The following PRKCA variants were observed in gnomAD, a reference collection of about 807,000 sequenced individuals.
PRKCA encodes the protein protein kinase C alpha.
In PRKCA, 27 loss-of-function variants were observed where a neutral mutation model predicts 87.0. The ratio of observed to expected loss-of-function variants is 0.31; its 90% CI spans 0.23 to 0.43. PRKCA has a LOEUF of 0.43. Among genes scored for constraint, PRKCA ranks in the 20% least tolerant of loss-of-function variants. The probability of loss-of-function intolerance (pLI) is 1.00; values close to 1 mark genes in which losing one functional copy is unlikely to be tolerated. For missense variants in PRKCA, 518 were observed against 852.3 expected (o/e 0.61, Z 4.88); for synonymous variants, 329 against 311.1 (o/e 1.06, Z -0.61).
At chr17:66,526,450 G>A (rs951336010) in intron 3 of PRKCA, among the ~76,000 whole-genome samples, 4 of 152,042 alleles carry the variant, frequency 2.6e-5, no homozygotes, top group Admixed American at 2.0e-4. Flanking sequence ...TAGGCATCTC[G>A]GCCTCTCATT....
intron 3 of PRKCA, among the ~76,000 whole-genome samples, chr17:66,630,916 T>C (rs1458657452): frequency 2.0e-5 from 3 of 152,190 alleles, no homozygotes; most frequent in African/African-American, 7.2e-5. Flanking sequence ...TTAAAATATT[T>C]GCTGTCCCCT....
chr17:66,419,845 G>A (rs1912383895), intron 2 of PRKCA, among the ~76,000 whole-genome samples: 1 of 152,006 alleles, frequency 6.6e-6, no homozygotes, highest in South Asian at 2.1e-4. Context: ...GGGCATGATT[G>A]GGAAAGTCTC....
At chr17:66,517,975 T>C (rs557525861) in intron 3 of PRKCA, among the ~76,000 whole-genome samples, 11 of 152,112 alleles carry the variant, frequency 7.2e-5, no homozygotes, top group African/African-American at 2.4e-4. Flanking sequence ...TGAAATAGAA[T>C]AACCAGAGAA....
At chr17:66,654,386 C>G in intron 5 of PRKCA, among the ~76,000 whole-genome samples, 1 of 151,228 alleles carries the variant, frequency 6.6e-6, no homozygotes. Context: ...GTATTTCATC[C>G]CAACCACCTT....
At chr17:66,666,760 T>A (rs1465880874) in intron 5 of PRKCA, among the ~76,000 whole-genome samples, 1 of 152,136 alleles carries the variant, frequency 6.6e-6, no homozygotes, top group Admixed American at 6.5e-5. Context: ...TATGTAGAAT[T>A]TTGTATCTTA....
intron 3 of PRKCA, among the ~76,000 whole-genome samples, chr17:66,569,020 C>T (rs1026485482): frequency 1.3e-5 from 2 of 151,944 alleles, no homozygotes; most frequent in African/African-American, 4.8e-5. Context: ...CAAGTAACAC[C>T]CTACACAAAA....
chr17:66,685,289 A>G (rs1339609199), intron 5 of PRKCA, among the ~76,000 whole-genome samples: 1 of 152,220 alleles, frequency 6.6e-6, no homozygotes, highest in African/African-American at 2.4e-5. Flanking sequence ...ATGAAGAGAC[A>G]GAGGCTCAGA....
At chr17:66,608,149 GAGCACACTGACTGA>G (rs1453076082) in intron 3 of PRKCA, among the ~76,000 whole-genome samples, 2 of 151,488 alleles carry the variant, frequency 1.3e-5, no homozygotes, top group African/African-American at 4.9e-5. Flanking sequence ...ACACCGATTG[GAGCACACTGACTGA>G]AGCACACTGA....
At chr17:66,642,069 C>T (rs200884199) in intron 4 of PRKCA, among the ~76,000 whole-genome samples, 9 of 151,988 alleles carry the variant, frequency 5.9e-5, no homozygotes, top group East Asian at 1.9e-4. Context: ...TTTTTTGTTA[C>T]GTGTGTATCT....
chr17:66,482,922 G>T (rs758730789), intron 2 of PRKCA, among the ~76,000 whole-genome samples: 10 of 152,124 alleles, frequency 6.6e-5, no homozygotes, highest in Non-Finnish European at 1.5e-4. Context: ...ATGCTCACCT[G>T]TAATCTTTGT....
intron 2 of PRKCA, among the ~76,000 whole-genome samples, chr17:66,315,882 C>A (rs777592323): frequency 2.0e-5 from 3 of 152,176 alleles, no homozygotes; most frequent in Non-Finnish European, 4.4e-5. Context: ...TCATGCCAGA[C>A]CCTGCAGGGC....
chr17:66,641,717 C>CTT (rs534954912), intron 4 of PRKCA, among the ~76,000 whole-genome samples: 20 of 142,108 alleles, frequency 1.4e-4, no homozygotes, highest in Admixed American at 2.8e-4. Flanking sequence ...GGTGCTGTCA[C>CTT]TTTTTTTTTT....
chr17:66,329,210 G>T (rs913028276), intron 2 of PRKCA, among the ~76,000 whole-genome samples: 1 of 152,182 alleles, frequency 6.6e-6, no homozygotes, highest in Non-Finnish European at 1.5e-5. Flanking sequence ...TGATTTGGAG[G>T]TAGAAGGGAG....
In PRKCA at chr17:66,689,071, A is replaced by C. The variant is rs1299299340; in HGVS notation, c.918+24A>C. The C allele has an allele frequency of 6.7e-7, 1 of 1,487,978 alleles. No homozygotes were observed. The highest frequency in any genetic ancestry group is 9.2e-7 in the Non-Finnish European group (1 of 1,085,330). 92.2% of individuals were successfully genotyped at this position (1,487,978 alleles called of 1,614,324 possible). A position where few individuals can be genotyped will look rare whatever the true frequency, so the allele number is the denominator to read the frequency against. On this transcript the variant is annotated intron_variant, in intron 8 of 16. Coordinates refer to ENST00000413366, the MANE Select transcript of PRKCA (RefSeq NM_002737.3). The surrounding 1 kb of genome is among the most constrained non-coding windows in gnomAD (Gnocchi z 4.1). ...AGGTGAGGATAACAAAATGCCCGGA[A>C]ACACCTTTCCTTTAGAAAGCCCAAC...
At chr17:66,746,212 G>A (rs1315634036) in intron 13 of PRKCA, among the ~76,000 whole-genome samples, 1 of 136,488 alleles carries the variant, frequency 7.3e-6, no homozygotes, top group Admixed American at 8.2e-5. Flanking sequence ...TGCCCAGGCT[G>A]GAGTGCCACA....
intron 2 of PRKCA, among the ~76,000 whole-genome samples, chr17:66,346,404 C>CT (rs1362550316): frequency 7.3e-6 from 1 of 137,912 alleles, no homozygotes; most frequent in Admixed American, 7.3e-5. Context: ...GCTGAGATAT[C>CT]TTTTTTAAAT....
Position 66,709,403 on chromosome 17 carries a change from C to T in PRKCA, c.918+20356C>T, listed in dbSNP as rs552169132. Among the ~76,000 whole-genome samples, 30 of 150,274 alleles carry T rather than the reference C, an allele frequency of 2.0e-4. 1 individual carries two copies. In the East Asian group the frequency reaches 4.9e-3, roughly 24 times the overall value. The stretch of plus-strand genomic sequence containing the variant: ...CTCAGCTCACTGCAACCTCCACTCC[C>T]GGGTTCAAGCAATTCTCCTGCCTCA... On this transcript the variant is annotated intron_variant, in intron 8 of 16. Transcript: ENST00000413366.
At chr17:66,360,931 A>T (rs1471537810) in intron 2 of PRKCA, among the ~76,000 whole-genome samples, 1 of 151,768 alleles carries the variant, frequency 6.6e-6, no homozygotes, top group Non-Finnish European at 1.5e-5. Flanking sequence ...ATTTAAGAGT[A>T]TCGTCTTTAT....
chr17:66,550,125 A>G (rs1356602640), intron 3 of PRKCA, among the ~76,000 whole-genome samples: 10 of 152,096 alleles, frequency 6.6e-5, no homozygotes. Context: ...CTTTTCTGAC[A>G]CGTGCAGAGT....
Sources: allele counts gnomAD v4.1 joint callset (sites outside exome capture counted in the v4.1 genomes callset), GRCh38; gene constraint gnomAD v4.1.1; non-coding constraint Gnocchi (gnomAD v3.1); transcripts MANE v1.5; gene names NCBI Gene and HGNC (gene_info 2026-07-23, HGNC 2026-07-21).